OPCML: variants seen among roughly 807,000 people sequenced by gnomAD.
OPCML encodes the protein opioid binding protein/cell adhesion molecule like, also known as opioid-binding protein/cell adhesion molecule.
In OPCML, 13 loss-of-function variants were observed where a neutral mutation model predicts 37.8. The observed-to-expected ratio is 0.34, with a 90% confidence interval of 0.22 to 0.55. The LOEUF (loss-of-function observed/expected upper bound fraction) is 0.55, where lower values mean the gene tolerates loss of function less well. OPCML is among the 20% of genes least tolerant of loss of function. The pLI is 0.91. For missense variants in OPCML, 341 were observed against 435.6 expected (o/e 0.78, Z 1.93); for synonymous variants, 176 against 168.8 (o/e 1.04, Z -0.33).
At chr11:132,940,687 G>A (rs892471359) in intron 2 of OPCML, among the ~76,000 whole-genome samples, 2 of 152,200 alleles carry the variant, frequency 1.3e-5, no homozygotes, top group Non-Finnish European at 2.9e-5. Context: ...AAAGGAGAGA[G>A]ATGGGGACAC....
At chr11:132,734,649 G>T (rs1366505369) in intron 2 of OPCML, among the ~76,000 whole-genome samples, 2 of 152,194 alleles carry the variant, frequency 1.3e-5, no homozygotes, top group African/African-American at 4.8e-5. Context: ...ACTTGTAGGA[G>T]ATCAACATTA....
intron 3 of OPCML, among the ~76,000 whole-genome samples, chr11:132,538,956 T>C (rs1392022613): frequency 6.6e-6 from 1 of 152,214 alleles, no homozygotes; most frequent in African/African-American, 2.4e-5. Flanking sequence ...ATAGAATACC[T>C]TCTCTCCATC....
At chr11:132,737,027 T>C (rs1199114053) in intron 2 of OPCML, among the ~76,000 whole-genome samples, 1 of 152,232 alleles carries the variant, frequency 6.6e-6, no homozygotes, top group Non-Finnish European at 1.5e-5. Context: ...ATTTTGTTCC[T>C]TGGAGATGAA....
chr11:133,236,029 A>G (rs1451268412), intron 1 of OPCML, among the ~76,000 whole-genome samples: 1 of 152,240 alleles, frequency 6.6e-6, no homozygotes, highest in Non-Finnish European at 1.5e-5. Context: ...TCTCCTATAC[A>G]TACATCCCTG....
At chr11:133,232,245 A>G (rs1445447317) in intron 1 of OPCML, among the ~76,000 whole-genome samples, 1 of 152,058 alleles carries the variant, frequency 6.6e-6, no homozygotes, top group Non-Finnish European at 1.5e-5. Context: ...GTTCTCAAGG[A>G]AAAAAGATAA....
chr11:132,566,018 G>A (rs1282445328), intron 3 of OPCML, among the ~76,000 whole-genome samples: 4 of 152,182 alleles, frequency 2.6e-5, no homozygotes, highest in Non-Finnish European at 5.9e-5. Flanking sequence ...GGGTGACAGA[G>A]CGAGACTCCG....
intron 1 of OPCML, among the ~76,000 whole-genome samples, chr11:133,289,269 T>C (rs1469323021): frequency 6.6e-6 from 1 of 152,184 alleles, no homozygotes; most frequent in Non-Finnish European, 1.5e-5. Flanking sequence ...TTCTCCTTCA[T>C]GTTTTGATAG....
At chr11:132,605,721 C>T (rs1279555867) in intron 3 of OPCML, among the ~76,000 whole-genome samples, 3 of 152,288 alleles carry the variant, frequency 2.0e-5, no homozygotes, top group African/African-American at 7.2e-5. Flanking sequence ...CAGACTTCAT[C>T]AATGCCATAA....
At chr11:133,043,628 C>T (rs1373306863) in intron 1 of OPCML, among the ~76,000 whole-genome samples, 3 of 152,344 alleles carry the variant, frequency 2.0e-5, no homozygotes, top group Non-Finnish European at 4.4e-5. Flanking sequence ...CAAACAGAAT[C>T]AGCCCTTTCC....
rs559643509 is a variant in OPCML at position 133,075,831 on chromosome 11, T to G, written c.62-132821A>C. 6.6e-5 allele frequency among the ~76,000 whole-genome samples: 10 copies of G among 152,328 alleles called. 1 individual carries two copies. The highest frequency in any genetic ancestry group is 2.4e-4 in the African/African-American group (10 of 41,576). On this transcript the variant is annotated intron_variant, in intron 1 of 7. Transcript: ENST00000524381. ...GCCAAAGCCTGGGCTCTTGGATTCC[T>G]AAGTCGGTGTGGAAACAAGAAGGAA...
At chr11:132,899,759 T>G (rs2136493672) in intron 2 of OPCML, among the ~76,000 whole-genome samples, 1 of 152,164 alleles carries the variant, frequency 6.6e-6, no homozygotes, top group Middle Eastern at 3.4e-3. Context: ...CTGCCCTCAC[T>G]GTATGTGGGC....
intron 3 of OPCML, among the ~76,000 whole-genome samples, chr11:132,585,051 G>T (rs2096469636): frequency 6.6e-6 from 1 of 152,130 alleles, no homozygotes; most frequent in African/African-American, 2.4e-5. Flanking sequence ...TTGACTTATG[G>T]TTCACTATGT....
intron 1 of OPCML, among the ~76,000 whole-genome samples, chr11:133,275,100 G>C (rs145381007): frequency 2.6e-5 from 4 of 152,246 alleles, no homozygotes; most frequent in African/African-American, 9.6e-5. Flanking sequence ...GAGTTTGCTT[G>C]GCAGAATCCC....
chr11:133,422,393 ATG>A (rs1491557744), intron 1 of OPCML: 43,911 of 916,984 alleles, frequency 0.048, 1,762 homozygotes, highest in Non-Finnish European at 0.05. Flanking sequence ...ATATATATAT[ATG>A]TATATATGCG....
At chr11:132,757,409 T>C (rs1946092543) in intron 2 of OPCML, among the ~76,000 whole-genome samples, 1 of 152,208 alleles carries the variant, frequency 6.6e-6, no homozygotes, top group African/African-American at 2.4e-5. Flanking sequence ...TAATTTACAG[T>C]CCCACCAACA....
At chr11:132,495,788 A>G (rs12295753) in intron 4 of OPCML, among the ~76,000 whole-genome samples, 42,762 of 151,364 alleles carry the variant, frequency 0.28, 6,756 homozygotes, top group East Asian at 0.62. Context: ...CCGGCTACTC[A>G]GGAGGCTGAG....
rs192795346 is a variant in OPCML, at chr11:133,482,240, G to A, written c.61+50024C>T. ...TATTTGGGAGGACAATGATGCCAAC[G>A]GTGTCATCAGTGACATGGGAAGAGA... On this transcript the variant is annotated intron_variant, in intron 1 of 7. Transcript: ENST00000524381. Among the ~76,000 whole-genome samples the A allele has an allele frequency of 1.2e-4, 19 of 152,206 alleles. No individual in the cohort carries two copies. The East Asian group carries it at 3.1e-3, about 25-fold the overall frequency.
chr11:133,268,955 A>G (rs748135657), intron 1 of OPCML, among the ~76,000 whole-genome samples: 63 of 152,308 alleles, frequency 4.1e-4, no homozygotes, highest in Admixed American at 6.5e-4. Context: ...TAAAATGCAG[A>G]CCCAACTATA....
intron 1 of OPCML, among the ~76,000 whole-genome samples, chr11:133,218,604 C>T (rs952387040): frequency 1.3e-5 from 2 of 152,120 alleles, no homozygotes; most frequent in East Asian, 1.9e-4. Flanking sequence ...GGGTCCACGG[C>T]GAAGAGTAGC....
Sources: gnomAD v4.1 joint callset for allele counts (sites outside exome capture counted in the v4.1 genomes callset) on GRCh38, gnomAD v4.1.1 for gene constraint, MANE v1.5 for transcripts, NCBI Gene and HGNC (gene_info 2026-07-23, HGNC 2026-07-21) for gene names.